The following ERP44 variants were observed in gnomAD, a reference collection of about 807,000 sequenced individuals.
ERP44 encodes the protein endoplasmic reticulum resident protein 44.
ERP44 carries 25 observed loss-of-function variants against 53.4 expected under a neutral mutation model. The observed-to-expected ratio is 0.47, with a 90% confidence interval of 0.34 to 0.65. ERP44 has a LOEUF of 0.65. Ranked by LOEUF, ERP44 falls within the 30% of genes least tolerant of loss-of-function variation. ERP44 has a pLI of 0.01. For missense variants in ERP44, 338 were observed against 493.2 expected (o/e 0.69, Z 2.98); for synonymous variants, 145 against 161.2 (o/e 0.90, Z 0.76).
intron 1 of ERP44, among the ~76,000 whole-genome samples, chr9:100,094,224 T>TG (rs1177983213): frequency 2.0e-5 from 3 of 150,006 alleles, no homozygotes; most frequent in Non-Finnish European, 4.4e-5. Flanking sequence ...AAAAAAAAGG[T>TG]GGGGGAAAAG....
At chr9:100,037,170 T>A (rs895703848) in intron 4 of ERP44, among the ~76,000 whole-genome samples, 3 of 152,140 alleles carry the variant, frequency 2.0e-5, no homozygotes, top group Non-Finnish European at 4.4e-5. Context: ...AAACAGTGAT[T>A]GGGAGAAGGA....
At chr9:100,052,116 G>C (rs1397286775) in intron 4 of ERP44, among the ~76,000 whole-genome samples, 6 of 151,518 alleles carry the variant, frequency 4.0e-5, no homozygotes. Flanking sequence ...TATTTGCTTT[G>C]GTAGAAAACA....
At position 100,081,343 on chromosome 9, in the gene ERP44, C is replaced by T. The variant is rs188575785; in HGVS notation, c.57+17441G>A. Among the ~76,000 whole-genome samples the T allele has an allele frequency of 1.8e-3, 278 of 152,142 alleles. 1 individual carries two copies. Among genetic ancestry groups the T allele is most frequent in the African/African-American group, 6.5e-3 (268 of 41,534 alleles). The stretch of plus-strand genomic sequence containing the variant: ...ATTTAATAAGACAAAAAGAAAAGGG[C>T]TCTTTCAAAAGCTAACAGCACAATT... On this transcript the variant is annotated intron_variant, in intron 1 of 11. Transcript: ENST00000262455.
At chr9:100,033,905 T>C (rs547550116) in intron 4 of ERP44, among the ~76,000 whole-genome samples, 3 of 152,192 alleles carry the variant, frequency 2.0e-5, no homozygotes, top group Non-Finnish European at 1.5e-5. Flanking sequence ...TCATTGCCCC[T>C]ATTCAAGCTC....
intron 1 of ERP44, among the ~76,000 whole-genome samples, chr9:100,067,612 C>T (rs1306294878): frequency 6.6e-6 from 1 of 152,040 alleles, no homozygotes; most frequent in African/African-American, 2.4e-5. Flanking sequence ...CCGGCCGCCA[C>T]CCCGTCTGGG....
intron 10 of ERP44, among the ~76,000 whole-genome samples, chr9:100,002,712 T>G (rs555599780): frequency 9.7e-4 from 147 of 152,238 alleles, no homozygotes; most frequent in African/African-American, 3.4e-3. Context: ...TTCATAATCT[T>G]CTCTTGCTGC....
chr9:100,092,204 T>C (rs1329773593), intron 1 of ERP44, among the ~76,000 whole-genome samples: 2 of 152,208 alleles, frequency 1.3e-5, no homozygotes, highest in African/African-American at 2.4e-5. Flanking sequence ...ACTCAAACTG[T>C]TTTTAATCTT....
intron 1 of ERP44, among the ~76,000 whole-genome samples, chr9:100,090,210 G>GC (rs1295715808): frequency 2.6e-5 from 4 of 152,130 alleles, no homozygotes; most frequent in African/African-American, 9.7e-5. Flanking sequence ...CCTTTCAGAG[G>GC]TAAAATCATT....
At chr9:100,017,735 G>A (rs375002663) in intron 7 of ERP44, among the ~76,000 whole-genome samples, 1 of 152,078 alleles carries the variant, frequency 6.6e-6, no homozygotes, top group South Asian at 2.1e-4. Context: ...CATGTGCTAC[G>A]ATTTTTGCCT....
intron 4 of ERP44, among the ~76,000 whole-genome samples, chr9:100,030,468 A>C (rs868531673): frequency 6.6e-6 from 1 of 152,120 alleles, no homozygotes; most frequent in South Asian, 2.1e-4. Flanking sequence ...AGAGTGGGTT[A>C]AAGGCCCCTC....
chr9:100,074,000 T>C (rs1017541432), intron 1 of ERP44, among the ~76,000 whole-genome samples: 1 of 152,238 alleles, frequency 6.6e-6, no homozygotes, highest in Non-Finnish European at 1.5e-5. Context: ...GTTCCAAAAA[T>C]ACTGCTCTAA....
At position 99,984,896 on chromosome 9, in the gene ERP44, CA is replaced by C. The variant is rs1173461909; in HGVS notation, c.1119+70del. 6.2e-4 allele frequency: 557 copies of C among 891,874 alleles called. 4 individuals are homozygous for C. The highest frequency in any genetic ancestry group is 2.4e-3 in the Middle Eastern group (11 of 4,566). 55.2% of individuals were successfully genotyped at this position (891,874 alleles called of 1,614,324 possible). A position where few individuals can be genotyped will look rare whatever the true frequency, so the allele number is the denominator to read the frequency against. On this transcript the variant is annotated intron_variant, in intron 11 of 11. Transcript: ENST00000262455. Reference sequence around the variant, plus strand: ...GAAGCTCAAGCTGATGCAAGAACTTCAGACCCTCTTTGAGGCTAACTGAAAA... The same window carrying C: ...GAAGCTCAAGCTGATGCAAGAACTTCGACCCTCTTTGAGGCTAACTGAAAA...
intron 1 of ERP44, among the ~76,000 whole-genome samples, chr9:100,096,540 T>C (rs1826632384): frequency 6.6e-6 from 1 of 152,094 alleles, no homozygotes; most frequent in Admixed American, 6.5e-5. Context: ...AGGGAAAAGA[T>C]AGCTACTTGC....
intron 1 of ERP44, among the ~76,000 whole-genome samples, chr9:100,073,717 A>T (rs953317006): frequency 1.3e-5 from 2 of 152,218 alleles, no homozygotes; most frequent in African/African-American, 4.8e-5. Context: ...TACATTCTAC[A>T]TAGGTGAGAC....
At position 100,061,236 on chromosome 9, in the gene ERP44, A is replaced by C. The variant is rs1826143146; in HGVS notation, c.58-1064T>G. 2.6e-5 allele frequency among the ~76,000 whole-genome samples: 4 copies of C among 152,004 alleles called. No individual in the cohort carries two copies. The South Asian group carries it at 8.3e-4, about 32-fold the overall frequency. Reference sequence around the variant, plus strand: ...GGCGGGCAGATCACAACGAGGTCAAAAGATCGAGACCATCCTGGCCAACAT... The same window carrying C: ...GGCGGGCAGATCACAACGAGGTCAACAGATCGAGACCATCCTGGCCAACAT... On this transcript the variant is annotated intron_variant, in intron 1 of 11. Transcript: ENST00000262455.
rs565464266 is a variant in ERP44, at chr9:99,982,711, T to C, written c.1122A>G (p.Gln374=). ...GTGGACTGCTTGCTACATCTTGGGCTTGCTACAAAAGAAAGAATAAAACAT... is the reference window on the plus strand; with the variant it reads ...GTGGACTGCTTGCTACATCTTGGGCCTGCTACAAAAGAAAGAATAAAACAT... ...PDPTDTAPGE[Q]AQDVASSPPE... Residue 374 remains glutamine (Q), a splice_region_variant and synonymous_variant, in exon 12 of 12, where the codon CAA becomes CAG. Coordinates refer to ENST00000262455, the MANE Select transcript of ERP44 (RefSeq NM_015051.3). 5 of 1,591,538 alleles carry C rather than the reference T, an allele frequency of 3.1e-6. No homozygotes were observed. The East Asian group carries it at 9.0e-5, about 29-fold the overall frequency.
intron 7 of ERP44, among the ~76,000 whole-genome samples, chr9:100,017,382 C>G (rs971826720): frequency 6.6e-6 from 1 of 152,118 alleles, no homozygotes; most frequent in Non-Finnish European, 1.5e-5. Context: ...CATTCAAACC[C>G]AGTCTGATAC....
At chr9:100,085,532 AGAACTAT>A (rs1826470178) in intron 1 of ERP44, among the ~76,000 whole-genome samples, 1 of 152,374 alleles carries the variant, frequency 6.6e-6, no homozygotes, top group Admixed American at 6.5e-5. Flanking sequence ...TCCAGACCAC[AGAACTAT>A]GATAACTATG....
chr9:100,095,151 A>C (rs1826611612), intron 1 of ERP44, among the ~76,000 whole-genome samples: 1 of 152,130 alleles, frequency 6.6e-6, no homozygotes. Flanking sequence ...AGATAAATGA[A>C]ACAAATGAAC....
Sources: gnomAD v4.1 joint callset for allele counts (sites outside exome capture counted in the v4.1 genomes callset) on GRCh38, gnomAD v4.1.1 for gene constraint, MANE v1.5 for transcripts, NCBI Gene and HGNC (gene_info 2026-07-23, HGNC 2026-07-21) for gene names.